Variants in LRFN3 observed in about 807,000 individuals in gnomAD.
LRFN3 encodes leucine-rich repeat and fibronectin type-III domain-containing protein 3.
A neutral mutation model predicts 23.8 loss-of-function variants in LRFN3; 8 were observed. The observed-to-expected ratio is 0.34, with a 90% CI of 0.20 to 0.61. The LOEUF is 0.61. LRFN3 is among the 20% of genes least tolerant of loss of function. The pLI is 0.80. For missense variants in LRFN3, 736 were observed against 935.3 expected, an observed-to-expected ratio of 0.79 and a Z score of 2.78; for synonymous variants, 451 against 450.6, an observed-to-expected ratio of 1.00 and a Z score of -0.01.
chr19:35,942,183 A>T (rs1976130043), intron 2 of LRFN3, among the ~76,000 whole-genome samples: 1 of 152,100 alleles, frequency 6.6e-6, no homozygotes, highest in African/African-American at 2.4e-5. Context: ...CGCCCGACAG[A>T]TTTTTTATTT....
At position 35,944,774 on chromosome 19, in the gene LRFN3, G is replaced by A. The variant is rs770470075; in HGVS notation, c.1642G>A (p.Val548Ile). 2 of 1,610,522 alleles carry A rather than the reference G, an allele frequency of 1.2e-6. No individual in the cohort carries two copies. The highest frequency in any genetic ancestry group is 2.2e-5 in the East Asian group (1 of 44,784). ...TMIIALGGVI[V>I]ASVLVFIFVL... The stretch of plus-strand genomic sequence containing the variant: ...GATCATCGCGCTGGGCGGCGTCATC[G>A]TAGCCTCGGTACTGGTCTTCATCTT... Residue 548 changes from valine (V) to isoleucine (I), a missense_variant, in exon 3 of 3, where the codon GTA becomes ATA. By Grantham distance (29) the Val-to-Ile change is conservative. Coordinates refer to ENST00000246529, the MANE Select transcript of LRFN3 (RefSeq NM_024509.2). The surrounding 1 kb of genome is among the most constrained non-coding windows in gnomAD (Gnocchi z 4.5).
rs1345726637 is a variant in LRFN3 at position 35,944,797 on chromosome 19, C to T, written c.1665C>T (p.Ile555=). The T allele has an allele frequency of 6.2e-7, 1 of 1,611,116 alleles. No homozygotes were observed. Among genetic ancestry groups the T allele is most frequent in the Non-Finnish European group, 8.5e-7 (1 of 1,179,262 alleles). The change falls in exon 3 of 3, where the codon ATC becomes ATT. Residue 555 remains isoleucine (I), a synonymous_variant. Coordinates refer to ENST00000246529, the MANE Select transcript of LRFN3 (RefSeq NM_024509.2). This position sits in a 1 kb window ranked among gnomAD's most constrained non-coding sequence, Gnocchi z 4.5. ...TCGTAGCCTCGGTACTGGTCTTCATCTTCGTGCTGCTAATGCGCTACAAGG... is the reference window on the plus strand; with the variant it reads ...TCGTAGCCTCGGTACTGGTCTTCATTTTCGTGCTGCTAATGCGCTACAAGG... ...GVIVASVLVF[I]FVLLMRYKVH... is the part of the protein sequence containing the mutation.
Position 35,942,479 on chromosome 19 carries a change from G to A in LRFN3, c.1415+1639G>A, listed in dbSNP as rs537639287. 1.1e-4 allele frequency among the ~76,000 whole-genome samples: 16 copies of A among 152,342 alleles called. 1 individual carries two copies. The South Asian group carries it at 3.3e-3, about 32-fold the overall frequency. ...TTGCATGGATGGACTGCGGCTGTGGGTGAGTCCCTGTCCTCACGGCCAGGC... is the reference window on the plus strand; with the variant it reads ...TTGCATGGATGGACTGCGGCTGTGGATGAGTCCCTGTCCTCACGGCCAGGC... On this transcript the variant is annotated intron_variant, in intron 2 of 2. Transcript: ENST00000246529.
In LRFN3 at chr19:35,946,228, G is replaced by A. The variant is rs761539346; in HGVS notation, c.*1209G>A. ...GGACCCCTGGTCTGAGGCTGAAGCT[G>A]GAAATAGAAATGAGGGCTTTGTCAG... On this transcript the variant is annotated 3_prime_UTR_variant, in exon 3 of 3. Coordinates refer to ENST00000246529, the MANE Select transcript of LRFN3 (RefSeq NM_024509.2). Among the ~76,000 whole-genome samples, 1 of 152,032 alleles carries A rather than the reference G, an allele frequency of 6.6e-6. No homozygotes were observed. The highest frequency in any genetic ancestry group is 1.5e-5 in the Non-Finnish European group (1 of 68,010).
intron 2 of LRFN3, among the ~76,000 whole-genome samples, chr19:35,941,573 ATT>A (rs879553594): frequency 6.8e-6 from 1 of 147,162 alleles, no homozygotes; most frequent in Non-Finnish European, 1.5e-5. Context: ...TGACATCCAG[ATT>A]TTTTTTTTTT....
chr19:35,941,345 GT>G (rs922830113), intron 2 of LRFN3, among the ~76,000 whole-genome samples: 16 of 152,144 alleles, frequency 1.1e-4, no homozygotes, highest in African/African-American at 3.9e-4. Context: ...GAAACACCAG[GT>G]TTTCCAGATG....
In LRFN3 at chr19:35,946,043, G is replaced by A. The variant is rs986135619; in HGVS notation, c.*1024G>A. On this transcript the variant is annotated 3_prime_UTR_variant, in exon 3 of 3. Coordinates refer to ENST00000246529, the MANE Select transcript of LRFN3 (RefSeq NM_024509.2). ...GGAAGCTGAGGCGGTGGGTTATGGA[G>A]CTGCGGGGCCATGGGGTGGGGCAGG... Among the ~76,000 whole-genome samples, 5 of 152,064 alleles carry A rather than the reference G, an allele frequency of 3.3e-5. No homozygotes were observed. Among genetic ancestry groups the A allele is most frequent in the Non-Finnish European group, 5.9e-5 (4 of 67,994 alleles).
chr19:35,940,727 T>C lies in LRFN3; in HGVS notation c.1302T>C (p.Thr434=). The C allele has an allele frequency of 6.2e-7, 1 of 1,613,542 alleles. No individual in the cohort carries two copies. The highest frequency in any genetic ancestry group is 1.3e-5 in the African/African-American group (1 of 75,074). The change falls in exon 2 of 3, where the codon ACT becomes ACC. Residue 434 remains threonine (T), a synonymous_variant. Coordinates refer to ENST00000246529, the MANE Select transcript of LRFN3 (RefSeq NM_024509.2). ...GPPTDRGVQV[T]EHGATAALVQ... ...CTACCGACCGTGGCGTCCAGGTGACTGAGCACGGGGCCACAGCTGCTCTTG... is the reference window on the plus strand; with the variant it reads ...CTACCGACCGTGGCGTCCAGGTGACCGAGCACGGGGCCACAGCTGCTCTTG...
chr19:35,946,304 T>C lies in LRFN3; in HGVS notation c.*1285T>C, dbSNP rs1976177658. On this transcript the variant is annotated 3_prime_UTR_variant, in exon 3 of 3. Coordinates refer to ENST00000246529, the MANE Select transcript of LRFN3 (RefSeq NM_024509.2). ...GGTTAAGACGGCTTCTTGTGGGGGA[T>C]GATTCCAAGTCCCCACTATGGGACA... Among the ~76,000 whole-genome samples, 1 of 151,690 alleles carries C rather than the reference T, an allele frequency of 6.6e-6. No homozygotes were observed. The highest frequency in any genetic ancestry group is 2.1e-4 in the South Asian group (1 of 4,826).
At chr19:35,942,746 C>T (rs930080565) in intron 2 of LRFN3, among the ~76,000 whole-genome samples, 3 of 152,134 alleles carry the variant, frequency 2.0e-5, no homozygotes, top group East Asian at 1.9e-4. Flanking sequence ...TCACACAAGT[C>T]GGCCAGGCGC....
chr19:35,944,992 G>A lies in LRFN3; in HGVS notation c.1860G>A (p.Gly620=), dbSNP rs1160352365. 4.3e-6 allele frequency: 6 copies of A among 1,395,592 alleles called. No individual in the cohort carries two copies. Among genetic ancestry groups the A allele is most frequent in the Non-Finnish European group, 5.5e-6 (6 of 1,085,870 alleles). The allele number at this position is 1,395,592 out of a possible 1,614,324, so 86.5% of individuals were successfully genotyped here. A position where few individuals can be genotyped will look rare whatever the true frequency, so the allele number is the denominator to read the frequency against. ...TCCAGCTGGACTGCGAGCCCTGGGG[G>A]CCCGGCCACGAACCTGTGGGACCCT... The part of the protein sequence containing the change: ...TVVQLDCEPW[G]PGHEPVGP The change falls in exon 3 of 3, where the codon GGG becomes GGA. Residue 620 remains glycine, a synonymous_variant. Coordinates refer to ENST00000246529, the MANE Select transcript of LRFN3 (RefSeq NM_024509.2). The surrounding 1 kb of genome is among the most constrained non-coding windows in gnomAD (Gnocchi z 4.5).
chr19:35,943,887 G>T (rs1478552703), intron 2 of LRFN3, among the ~76,000 whole-genome samples: 18 of 152,018 alleles, frequency 1.2e-4, no homozygotes, highest in Admixed American at 1.0e-3. Flanking sequence ...TGGGCAGTTG[G>T]GTATAAAATG....
intron 2 of LRFN3, among the ~76,000 whole-genome samples, chr19:35,943,399 A>G (rs1364305925): frequency 2.0e-5 from 3 of 152,222 alleles, no homozygotes; most frequent in Non-Finnish European, 4.4e-5. Context: ...GAATCAGACG[A>G]CAGGACTCAT....
rs1028112298 is a variant in LRFN3, at chr19:35,946,322, A to G, written c.*1303A>G. Among the ~76,000 whole-genome samples the G allele has an allele frequency of 6.6e-6, 1 of 151,190 alleles. No individual in the cohort carries two copies. The highest frequency in any genetic ancestry group is 2.4e-5 in the African/African-American group (1 of 40,878). On this transcript the variant is annotated 3_prime_UTR_variant, in exon 3 of 3. Transcript: ENST00000246529. The stretch of plus-strand genomic sequence containing the variant: ...TGGGGGATGATTCCAAGTCCCCACT[A>G]TGGGACATTTTTTCTTTTTTCTTTT...
At position 35,945,039 on chromosome 19, in the gene LRFN3, A is replaced by G; in HGVS notation, c.*20A>G. On this transcript the variant is annotated 3_prime_UTR_variant, in exon 3 of 3. Transcript: ENST00000246529. ...CCCTAGCCAGGCGCCCCCCCCTCTAAGGGTCCTCTGGCCCCACGGACAGCA... is the reference window on the plus strand; with the variant it reads ...CCCTAGCCAGGCGCCCCCCCCTCTAGGGGTCCTCTGGCCCCACGGACAGCA... The G allele has an allele frequency of 7.6e-7, 1 of 1,317,890 alleles. No homozygotes were observed. Among genetic ancestry groups the G allele is most frequent in the Non-Finnish European group, 9.8e-7 (1 of 1,022,036 alleles). 81.6% of individuals were successfully genotyped at this position (1,317,890 alleles called of 1,614,324 possible). A position where few individuals can be genotyped will look rare whatever the true frequency, so the allele number is the denominator to read the frequency against.
rs1329537132 is a variant in LRFN3 at position 35,944,837 on chromosome 19, C to T, written c.1705C>T (p.Pro569Ser). 6 of 1,605,646 alleles carry T rather than the reference C, an allele frequency of 3.7e-6. No homozygotes were observed. Among genetic ancestry groups the T allele is most frequent in the Middle Eastern group, 1.7e-4 (1 of 6,050 alleles). ...LMRYKVHGGQPPGKAKIPAPV... is the reference protein window; with the variant it reads ...LMRYKVHGGQSPGKAKIPAPV... ...GCGCTACAAGGTGCACGGCGGCCAGCCCCCCGGCAAGGCCAAGATTCCCGC... is the reference window on the plus strand; with the variant it reads ...GCGCTACAAGGTGCACGGCGGCCAGTCCCCCGGCAAGGCCAAGATTCCCGC... Residue 569 changes from proline (P) to serine (S), a missense_variant, in exon 3 of 3, where the codon CCC becomes TCC. By Grantham distance (74) the Pro-to-Ser change is moderately conservative. Around this residue, in one of 2 missense-constraint regions of LRFN3, gnomAD observed 290 missense variants for 287.4 expected, o/e 1.01. Transcript: ENST00000246529. This position sits in a 1 kb window ranked among gnomAD's most constrained non-coding sequence, Gnocchi z 4.5.
Position 35,945,241 on chromosome 19 carries a change from G to C in LRFN3, c.*222G>C. On this transcript the variant is annotated 3_prime_UTR_variant, in exon 3 of 3. Transcript: ENST00000246529. ...TCTATGGGGGTTGGGGGACGGAGCAGGGGTCTGGAGCTGGGGAATGCCTCC... is the reference window on the plus strand; with the variant it reads ...TCTATGGGGGTTGGGGGACGGAGCACGGGTCTGGAGCTGGGGAATGCCTCC... The C allele has an allele frequency of 4.8e-6, 2 of 418,012 alleles. No individual in the cohort carries two copies. Among genetic ancestry groups the C allele is most frequent in the Non-Finnish European group, 8.4e-6 (2 of 238,274 alleles). 25.9% of individuals were successfully genotyped at this position (418,012 alleles called of 1,614,324 possible).
chr19:35,943,498 A>C (rs1422700026), intron 2 of LRFN3, among the ~76,000 whole-genome samples: 1 of 152,160 alleles, frequency 6.6e-6, no homozygotes, highest in Non-Finnish European at 1.5e-5. Flanking sequence ...ATCGGGCAAC[A>C]GGGGTACAGG....
chr19:35,939,292 C>T lies in LRFN3; in HGVS notation c.-16-118C>T, dbSNP rs781571388. The T allele has an allele frequency of 4.3e-5, 47 of 1,090,638 alleles. 1 individual carries two copies. Among genetic ancestry groups the T allele is most frequent in the Non-Finnish European group, 5.3e-5 (41 of 775,838 alleles). 67.6% of individuals were successfully genotyped at this position (1,090,638 alleles called of 1,614,324 possible). ...TCCTCTGGCTTTTGGTCACATCTGA[C>T]GGTCTTTGACCAGCCCTTCTGCCCT... is the stretch of plus-strand genomic sequence containing the variant. On this transcript the variant is annotated intron_variant, in intron 1 of 2. Coordinates refer to ENST00000246529, the MANE Select transcript of LRFN3 (RefSeq NM_024509.2). The surrounding 1 kb of genome is among the most constrained non-coding windows in gnomAD (Gnocchi z 6.4).
Sources: gnomAD v4.1 joint callset for allele counts (sites outside exome capture counted in the v4.1 genomes callset) on GRCh38, gnomAD v4.1.1 for gene constraint, gnomAD v4.1.1 regional missense constraint, Gnocchi (gnomAD v3.1) non-coding constraint, MANE v1.5 for transcripts, NCBI Gene and HGNC (gene_info 2026-07-23, HGNC 2026-07-21) for gene names.